Variants in SPINT2 observed in about 807,000 individuals in gnomAD.
The protein encoded by SPINT2 is serine peptidase inhibitor, Kunitz type 2, also known as kunitz-type protease inhibitor 2.
Under a neutral mutation model 30.1 loss-of-function variants are expected in SPINT2, and 18 were observed. The ratio of observed to expected loss-of-function variants is 0.60; its 90% CI spans 0.41 to 0.89. The LOEUF (loss-of-function observed/expected upper bound fraction) is 0.89, where lower values mean the gene tolerates loss of function less well. SPINT2 is among the 40% of genes least tolerant of loss of function. The pLI is 0.00. For synonymous variants in SPINT2, 139 were observed against 137.9 expected, an observed-to-expected ratio of 1.01 and a Z score of -0.05; for missense variants, 276 against 334.3, an observed-to-expected ratio of 0.83 and a Z score of 1.36.
intron 1 of SPINT2, among the ~76,000 whole-genome samples, chr19:38,277,411 A>T (rs998466856): frequency 1.3e-5 from 2 of 151,652 alleles, no homozygotes; most frequent in Non-Finnish European, 2.9e-5. Flanking sequence ...CACCCGGCTC[A>T]TTTTTTTTGT....
rs900318639 is a variant in SPINT2, at chr19:38,264,877, C to G, written c.-16C>G. 5.5e-5 allele frequency: 85 copies of G among 1,532,434 alleles called. No individual in the cohort carries two copies. The highest frequency in any genetic ancestry group is 7.4e-5 in the Non-Finnish European group (85 of 1,145,082). 94.9% of individuals were successfully genotyped at this position (1,532,434 alleles called of 1,614,324 possible). On this transcript the variant is annotated 5_prime_UTR_variant, in exon 1 of 7. Coordinates refer to ENST00000301244, the MANE Select transcript of SPINT2 (RefSeq NM_021102.4). ...ACGGCTGGTGGCGTCGCCTGCGCGT[C>G]TCGGCTGAGCTGGCCATGGCGCAGC... is the stretch of plus-strand genomic sequence containing the variant.
At chr19:38,275,472 G>A (rs187335341) in intron 1 of SPINT2, among the ~76,000 whole-genome samples, 13 of 152,152 alleles carry the variant, frequency 8.5e-5, no homozygotes, top group African/African-American at 1.9e-4. Flanking sequence ...CTACAGGCGC[G>A]CGCCACTGTG....
chr19:38,281,863 C>T (rs1393924405), intron 1 of SPINT2, among the ~76,000 whole-genome samples: 1 of 152,154 alleles, frequency 6.6e-6, no homozygotes, highest in Non-Finnish European at 1.5e-5. Flanking sequence ...CTCCCCATTC[C>T]CACCCCCAGT....
At position 38,290,290 on chromosome 19, in the gene SPINT2, C is replaced by T. The variant is rs1968701002; in HGVS notation, c.553+10C>T. The T allele has an allele frequency of 6.2e-7, 1 of 1,610,660 alleles. No individual in the cohort carries two copies. The highest frequency in any genetic ancestry group is 8.5e-7 in the Non-Finnish European group (1 of 1,179,352). Reference sequence around the variant, plus strand: ...ATGCTCCGCTGCTTCCGTAAGTCTGCAGCCCCTCAGCCCAGGAAGCCCTGC... The same window carrying T: ...ATGCTCCGCTGCTTCCGTAAGTCTGTAGCCCCTCAGCCCAGGAAGCCCTGC... On this transcript the variant is annotated intron_variant, in intron 5 of 6. Transcript: ENST00000301244. This position sits in a 1 kb window ranked among gnomAD's most constrained non-coding sequence, Gnocchi z 4.3.
intron 1 of SPINT2, among the ~76,000 whole-genome samples, chr19:38,275,850 C>G (rs946613007): frequency 1.2e-4 from 18 of 151,852 alleles, no homozygotes; most frequent in African/African-American, 4.1e-4. Flanking sequence ...GCCTCAGCCT[C>G]CAGAATAGCT....
chr19:38,286,770 G>C (rs1968646766), intron 2 of SPINT2, among the ~76,000 whole-genome samples: 1 of 152,136 alleles, frequency 6.6e-6, no homozygotes, highest in African/African-American at 2.4e-5. Flanking sequence ...GCGACAGAGC[G>C]AGACTCCGTT....
Position 38,289,923 on chromosome 19 carries a change from C to T in SPINT2, c.392-196C>T, listed in dbSNP as rs374740559. 8.2e-5 allele frequency: 53 copies of T among 649,642 alleles called. No homozygotes were observed. The African/African-American group carries it at 9.0e-4, about 11-fold the overall frequency. The allele number at this position is 649,642 out of a possible 1,614,324, so 40.2% of individuals were successfully genotyped here. ...TTGGCAGAGAGCAGCCTTCAAAGCT[C>T]CGAAGCCGTCACCTGGACCCAAGGA... On this transcript the variant is annotated intron_variant, in intron 4 of 6. Transcript: ENST00000301244.
intron 1 of SPINT2, among the ~76,000 whole-genome samples, chr19:38,279,193 A>T (rs896469967): frequency 6.9e-5 from 10 of 144,392 alleles, no homozygotes; most frequent in East Asian, 2.2e-4. Context: ...AAATTTGAGT[A>T]AAAAAAAAAA....
At chr19:38,271,708 C>T (rs1390056145) in intron 1 of SPINT2, among the ~76,000 whole-genome samples, 2 of 150,924 alleles carry the variant, frequency 1.3e-5, no homozygotes, top group Non-Finnish European at 2.9e-5. Flanking sequence ...CAGTGGCAGG[C>T]GCCTGGAGGC....
At chr19:38,278,265 C>G (rs982847384) in intron 1 of SPINT2, among the ~76,000 whole-genome samples, 2 of 152,142 alleles carry the variant, frequency 1.3e-5, no homozygotes, top group Non-Finnish European at 2.9e-5. Context: ...GGCTTTTAGG[C>G]AACCTCAGTT....
In SPINT2 at chr19:38,283,675, C is replaced by T. The variant is rs1433635330; in HGVS notation, c.155C>T (p.Pro52Leu). The T allele has an allele frequency of 5.0e-6, 8 of 1,614,052 alleles. No individual in the cohort carries two copies. In the Admixed American group the frequency reaches 5.0e-5, roughly 10 times the overall value. The change falls in exon 2 of 7, where the codon CCT (proline) becomes CTT (leucine). Residue 52 changes from proline (P) to leucine (L), a missense_variant. Transcript: ENST00000301244. The stretch of plus-strand genomic sequence containing the variant: ...GTGGGCAGATGCCGGGCCTCCATGC[C>T]TAGGTGGTGGTACAATGTCACTGAC... ...KVVGRCRASM[P>L]RWWYNVTDGS...
At position 38,264,793 on chromosome 19, in the gene SPINT2, G is replaced by T; in HGVS notation, c.-100G>T. 1.5e-6 allele frequency: 2 copies of T among 1,300,124 alleles called. No individual in the cohort carries two copies. The highest frequency in any genetic ancestry group is 1.3e-5 in the South Asian group (1 of 76,796). 80.5% of individuals were successfully genotyped at this position (1,300,124 alleles called of 1,614,324 possible). On this transcript the variant is annotated 5_prime_UTR_variant, in exon 1 of 7. Transcript: ENST00000301244. ...TCCCGGAGCGTCGGCACCTGAACGCGAGGCGCTCCATTGCGCGTGCGCGTT... is the reference window on the plus strand; with the variant it reads ...TCCCGGAGCGTCGGCACCTGAACGCTAGGCGCTCCATTGCGCGTGCGCGTT...
intron 3 of SPINT2, 62 bp from the exon 4 acceptor site, chr19:38,289,075 AC>A: frequency 6.6e-7 from 1 of 1,519,968 alleles, no homozygotes; most frequent in Non-Finnish European, 9.1e-7. Context: ...CCAGACCCAG[AC>A]CCAGCTAGGC....
intron 1 of SPINT2, among the ~76,000 whole-genome samples, chr19:38,276,364 C>G (rs1968517713): frequency 6.6e-6 from 1 of 152,102 alleles, no homozygotes; most frequent in Non-Finnish European, 1.5e-5. Context: ...GTTTTGGGGC[C>G]AGGCGTGGTG....
At chr19:38,272,775 A>T (rs1968471861) in intron 1 of SPINT2, among the ~76,000 whole-genome samples, 1 of 152,172 alleles carries the variant, frequency 6.6e-6, no homozygotes, top group South Asian at 2.1e-4. Context: ...TCTGGAGTGC[A>T]GTGGTGCGAT....
In SPINT2 at chr19:38,292,301, C is replaced by G. The variant is rs1454553320; in HGVS notation, c.*295C>G. ...TATGTTGAATTCCATTGCCTCTTTT[C>G]TCATCACAGAAGTGATGTTGGAATC... On this transcript the variant is annotated 3_prime_UTR_variant, in exon 7 of 7. Transcript: ENST00000301244. 3.0e-6 allele frequency: 1 copy of G among 338,390 alleles called. No individual in the cohort carries two copies. Among genetic ancestry groups the G allele is most frequent in the African/African-American group, 2.1e-5 (1 of 48,268 alleles). The allele number at this position is 338,390 out of a possible 1,614,324, so 21.0% of individuals were successfully genotyped here.
chr19:38,283,541 C>T (rs1968604687), intron 1 of SPINT2, 86 bp from the exon 2 acceptor site: 1 of 1,558,206 alleles, frequency 6.4e-7, no homozygotes, highest in Non-Finnish European at 8.8e-7. Context: ...TCTGGTTCTC[C>T]TGGGGGATCC....
chr19:38,290,856 C>T lies in SPINT2; in HGVS notation c.592+281C>T, dbSNP rs1600353132. 4 of 539,268 alleles carry T rather than the reference C, an allele frequency of 7.4e-6. No homozygotes were observed. The highest frequency in any genetic ancestry group is 6.8e-5 in the East Asian group (2 of 29,322). The allele number at this position is 539,268 out of a possible 1,614,324, so 33.4% of individuals were successfully genotyped here. On this transcript the variant is annotated intron_variant, in intron 6 of 6. Transcript: ENST00000301244. This position sits in a 1 kb window ranked among gnomAD's most constrained non-coding sequence, Gnocchi z 4.3. ...TTGAGCATTTGAGGACTGCTGCACA[C>T]GGGCCTGAGGCTGGCCTGAGGTGTG...
At chr19:38,273,173 A>G (rs1475068687) in intron 1 of SPINT2, among the ~76,000 whole-genome samples, 1 of 151,948 alleles carries the variant, frequency 6.6e-6, no homozygotes, top group Non-Finnish European at 1.5e-5. Flanking sequence ...TTTTTTTGAA[A>G]GGTTCTGAAT....
Sources: allele counts gnomAD v4.1 joint callset (sites outside exome capture counted in the v4.1 genomes callset), GRCh38; gene constraint gnomAD v4.1.1; non-coding constraint Gnocchi (gnomAD v3.1); transcripts MANE v1.5; gene names NCBI Gene and HGNC (gene_info 2026-07-23, HGNC 2026-07-21).